The following ZNF254 variants were observed in gnomAD, a reference collection of about 807,000 sequenced individuals.
ZNF254 encodes the protein zinc finger protein 254.
ZNF254 carries 10 observed loss-of-function variants against 12.4 expected under a neutral mutation model. That is an observed-to-expected ratio of 0.80 (90% CI 0.50 to 1.36). The LOEUF is 1.36. Ranked by LOEUF, ZNF254 falls within the 40% of genes most tolerant of loss-of-function variation. ZNF254 has a pLI of 0.00. For synonymous variants in ZNF254, 305 were observed against 253.4 expected, an observed-to-expected ratio of 1.20 and a Z score of -1.93; for missense variants, 996 against 763.9, an observed-to-expected ratio of 1.30 and a Z score of -3.58.
upstream of ZNF254, among the ~76,000 whole-genome samples, chr19:24,085,408 G>GTGTATATATATATATATATATA (rs1555759074): frequency 6.1e-5 from 2 of 32,710 alleles, no homozygotes; most frequent in Non-Finnish European, 5.4e-5. Flanking sequence ...TTTGTTAAGG[G>GTGTATATATATATATATATATA]TATATATATA....
intron 1 of ZNF254, among the ~76,000 whole-genome samples, chr19:24,041,846 C>T (rs946571003): frequency 2.6e-4 from 40 of 152,182 alleles, no homozygotes; most frequent in Non-Finnish European, 3.5e-4. Context: ...AATCAGCACC[C>T]TGTGTTTAGT....
intron 2 of ZNF254, among the ~76,000 whole-genome samples, chr19:24,051,414 C>A (rs1044189506): frequency 6.6e-5 from 10 of 152,124 alleles, no homozygotes; most frequent in African/African-American, 2.2e-4. Context: ...CCTGCCTTGG[C>A]CTCCCAAAGT....
At chr19:24,091,319 A>G (rs960950187) in intron 1 of ZNF254, among the ~76,000 whole-genome samples, 5 of 151,796 alleles carry the variant, frequency 3.3e-5, no homozygotes, top group African/African-American at 1.2e-4. Flanking sequence ...AATAAAGAAA[A>G]AAAAAAAAAA....
intron 1 of ZNF254, chr19:24,105,467 C>G: frequency 4.2e-6 from 1 of 236,052 alleles, no homozygotes; most frequent in Non-Finnish European, 8.1e-6. Flanking sequence ...GGTAGAGATT[C>G]ATTAACTCAG....
rs1316425886 is a variant in ZNF254, at chr19:24,106,075, A to G, written c.157+9A>G. On this transcript the variant is annotated intron_variant, in intron 2 of 3. Coordinates refer to ENST00000357002, the MANE Select transcript of ZNF254 (RefSeq NM_203282.4). ...AAACCTGGCCTTCCTGGGTGAGGAT[A>G]ACTTTAATACAAAATTCCTCACATA... 6.3e-6 allele frequency: 10 copies of G among 1,578,040 alleles called. No individual in the cohort carries two copies. Among genetic ancestry groups the G allele is most frequent in the Non-Finnish European group, 8.6e-6 (10 of 1,162,076 alleles).
intron 3 of ZNF254, among the ~76,000 whole-genome samples, chr19:24,115,681 A>G (rs1052161802): frequency 6.6e-6 from 1 of 152,030 alleles, no homozygotes; most frequent in African/African-American, 2.4e-5. Flanking sequence ...TAATAATAAT[A>G]AAAAAAGAAA....
intron 1 of ZNF254, among the ~76,000 whole-genome samples, chr19:24,043,842 C>G (rs1970269424): frequency 6.6e-6 from 1 of 152,138 alleles, no homozygotes; most frequent in Non-Finnish European, 1.5e-5. Context: ...TTATATCAAT[C>G]TTCTCAGTTA....
At chr19:24,124,651 C>T (rs1974706299) in intron 3 of ZNF254, among the ~76,000 whole-genome samples, 1 of 150,492 alleles carries the variant, frequency 6.6e-6, no homozygotes, top group Admixed American at 6.6e-5. Context: ...TTTTTTTTTT[C>T]CACAATTTTT....
At chr19:24,036,750 C>T (rs748369885) in intron 1 of ZNF254, among the ~76,000 whole-genome samples, 4 of 152,258 alleles carry the variant, frequency 2.6e-5, no homozygotes, top group Non-Finnish European at 5.9e-5. Context: ...TTCCAGATCT[C>T]TTCCCAGGGT....
At chr19:24,075,611 A>C (rs950881871) in intron 2 of ZNF254, among the ~76,000 whole-genome samples, 15 of 152,206 alleles carry the variant, frequency 9.9e-5, no homozygotes, top group Admixed American at 6.5e-4. Flanking sequence ...GGGCAGAGCA[A>C]GATCACAAGG....
intron 1 of ZNF254, among the ~76,000 whole-genome samples, chr19:24,088,639 TTTTA>T (rs901585425): frequency 2.0e-5 from 3 of 152,028 alleles, no homozygotes; most frequent in African/African-American, 7.3e-5. Flanking sequence ...CTGTTTTAAT[TTTTA>T]TTTATTTATT....
chr19:24,119,879 T>C lies in ZNF254; in HGVS notation c.254-6375T>C, dbSNP rs1207242425. ...TGTTTGAGTGGTATGTTTTTTCTTATTTACTGTTTTATTGCCTTATTTTAA... is the reference window on the plus strand; with the variant it reads ...TGTTTGAGTGGTATGTTTTTTCTTACTTACTGTTTTATTGCCTTATTTTAA... On this transcript the variant is annotated intron_variant, in intron 3 of 3. Coordinates refer to ENST00000357002, the MANE Select transcript of ZNF254 (RefSeq NM_203282.4). Among the ~76,000 whole-genome samples, 6 of 152,146 alleles carry C rather than the reference T, an allele frequency of 3.9e-5. No homozygotes were observed. In the East Asian group the frequency reaches 9.6e-4, roughly 24 times the overall value.
At chr19:24,052,723 T>C (rs1235907177) in intron 2 of ZNF254, among the ~76,000 whole-genome samples, 1 of 152,202 alleles carries the variant, frequency 6.6e-6, no homozygotes, top group Non-Finnish European at 1.5e-5. Flanking sequence ...TTAGAGATGA[T>C]TGTGACATAT....
chr19:24,069,404 C>G (rs1382783759), intron 2 of ZNF254, among the ~76,000 whole-genome samples: 1 of 144,546 alleles, frequency 6.9e-6, no homozygotes, highest in Non-Finnish European at 1.5e-5. Context: ...GTCAGGAGTT[C>G]AAGACCAGCC....
rs369623171 is a variant in ZNF254 at position 24,120,269 on chromosome 19, C to A, written c.254-5985C>A. Among the ~76,000 whole-genome samples, 8 of 152,226 alleles carry A rather than the reference C, an allele frequency of 5.3e-5. No homozygotes were observed. The East Asian group carries it at 1.3e-3, about 26-fold the overall frequency. ...ATTACCTCCTACTGCATCCCTCCCA[C>A]AACATATGGGAATTAAAGATGAGAC... On this transcript the variant is annotated intron_variant, in intron 3 of 3. Transcript: ENST00000357002.
rs1974846468 is a variant in ZNF254 at position 24,126,449 on chromosome 19, A to C, written c.449A>C (p.Gln150Pro). 1 of 1,594,658 alleles carries C rather than the reference A, an allele frequency of 6.3e-7. No individual in the cohort carries two copies. Among genetic ancestry groups the C allele is most frequent in the East Asian group, 2.2e-5 (1 of 44,756 alleles). The change falls in exon 4 of 4, where the codon CAG becomes CCG. Residue 150 changes from glutamine (Q) to proline (P), a missense_variant. Physicochemically the swap from Gln to Pro is moderately conservative, Grantham distance 76. Transcript: ENST00000357002. ...CTTAACCAGTGTTTCACAACTGCCC[A>C]GAGCAAAGTATTTCAATGTGATAAA... The part of the protein sequence containing the change: ...NGLNQCFTTA[Q>P]SKVFQCDKYL...
At chr19:24,093,279 G>C (rs750923432) in intron 1 of ZNF254, among the ~76,000 whole-genome samples, 6 of 152,102 alleles carry the variant, frequency 3.9e-5, no homozygotes, top group Non-Finnish European at 8.8e-5. Context: ...TTGCTGTGAA[G>C]AAGCTCTTTA....
At chr19:24,068,336 T>G (rs1162516043) in intron 2 of ZNF254, among the ~76,000 whole-genome samples, 1 of 152,024 alleles carries the variant, frequency 6.6e-6, no homozygotes, top group Admixed American at 6.6e-5. Context: ...AGTCTCACTC[T>G]GTTGCCCAGG....
At chr19:24,056,319 CAT>C (rs1207820836) in intron 2 of ZNF254, among the ~76,000 whole-genome samples, 1 of 152,110 alleles carries the variant, frequency 6.6e-6, no homozygotes, top group Non-Finnish European at 1.5e-5. Context: ...AGCATTATGA[CAT>C]ATATTTCCAT....
Sources: allele counts gnomAD v4.1 joint callset (sites outside exome capture counted in the v4.1 genomes callset), GRCh38; gene constraint gnomAD v4.1.1; transcripts MANE v1.5; gene names NCBI Gene and HGNC (gene_info 2026-07-23, HGNC 2026-07-21).